Variants in CNTNAP2 observed in about 807,000 individuals in gnomAD.
CNTNAP2 encodes the protein contactin-associated protein-like 2.
CNTNAP2 carries 98 observed loss-of-function variants against 155.2 expected under a neutral mutation model. The ratio of observed to expected loss-of-function variants is 0.63; its 90% CI spans 0.54 to 0.75. The LOEUF is 0.75. Ranked by LOEUF, CNTNAP2 falls within the 30% of genes least tolerant of loss-of-function variation. The pLI is 0.00. For synonymous variants in CNTNAP2, 651 were observed against 631.2 expected, an observed-to-expected ratio of 1.03 and a Z score of -0.47; for missense variants, 1,727 against 1,688.1, an observed-to-expected ratio of 1.02 and a Z score of -0.40.
intron 1 of CNTNAP2, among the ~76,000 whole-genome samples, chr7:146,736,866 C>T (rs771861157): frequency 6.6e-6 from 1 of 151,860 alleles, no homozygotes; most frequent in African/African-American, 2.4e-5. Flanking sequence ...TCTGCCTTTT[C>T]AATAAATTAA....
chr7:146,974,806 C>A (rs963977695), intron 3 of CNTNAP2, among the ~76,000 whole-genome samples: 2 of 151,972 alleles, frequency 1.3e-5, no homozygotes, highest in Non-Finnish European at 2.9e-5. Flanking sequence ...TGAGACCAGC[C>A]TGGCCAACAT....
intron 13 of CNTNAP2, among the ~76,000 whole-genome samples, chr7:147,743,248 G>A (rs1796981351): frequency 6.6e-6 from 1 of 152,108 alleles, no homozygotes. Context: ...ACACTCCTGG[G>A]AAAACACACC....
At chr7:147,520,807 G>C (rs6956787) in intron 11 of CNTNAP2, among the ~76,000 whole-genome samples, 4,403 of 152,198 alleles carry the variant, frequency 0.029, 213 homozygotes, top group African/African-American at 0.1. Context: ...GTTATTTTCA[G>C]GGTGTTTTCT....
intron 8 of CNTNAP2, among the ~76,000 whole-genome samples, chr7:147,239,805 CTT>C (rs1364767109): frequency 6.6e-6 from 1 of 152,182 alleles, no homozygotes; most frequent in African/African-American, 2.4e-5. Context: ...TCATCATCCT[CTT>C]TTCAGTAATT....
chr7:147,789,061 T>C (rs774643259), intron 13 of CNTNAP2, among the ~76,000 whole-genome samples: 14 of 151,808 alleles, frequency 9.2e-5, no homozygotes, highest in Non-Finnish European at 1.5e-4. Context: ...TGCATCACCA[T>C]GCCTGGCTAA....
At chr7:148,167,005 T>C (rs953677227) in intron 17 of CNTNAP2, among the ~76,000 whole-genome samples, 1 of 152,226 alleles carries the variant, frequency 6.6e-6, no homozygotes, top group African/African-American at 2.4e-5. Context: ...TCTAGCTCAC[T>C]GTCCCATTTA....
chr7:146,655,413 C>CAAAAAAAAA (rs66710703), intron 1 of CNTNAP2, among the ~76,000 whole-genome samples: 2 of 74,302 alleles, frequency 2.7e-5, no homozygotes, highest in Non-Finnish European at 5.0e-5. Context: ...GACTCTGTCT[C>CAAAAAAAAA]AAAAAAAAAA....
intron 1 of CNTNAP2, among the ~76,000 whole-genome samples, chr7:146,488,904 G>A (rs1478628838): frequency 4.6e-5 from 7 of 152,154 alleles, no homozygotes; most frequent in Non-Finnish European, 7.3e-5. Context: ...ACGGGTGTGG[G>A]CCACCACGCT....
At chr7:146,685,852 GA>G (rs1347638166) in intron 1 of CNTNAP2, among the ~76,000 whole-genome samples, 1 of 152,108 alleles carries the variant, frequency 6.6e-6, no homozygotes, top group Non-Finnish European at 1.5e-5. Context: ...TGATGTATGT[GA>G]AAATGAGCTG....
chr7:148,361,359 C>T (rs1303545994), intron 21 of CNTNAP2, among the ~76,000 whole-genome samples: 2 of 152,174 alleles, frequency 1.3e-5, no homozygotes, highest in African/African-American at 4.8e-5. Context: ...GTCTTCATCT[C>T]CTAGGCTGTC....
intron 10 of CNTNAP2, among the ~76,000 whole-genome samples, chr7:147,418,991 C>T (rs10500185): frequency 2.0e-5 from 3 of 152,028 alleles, no homozygotes; most frequent in Non-Finnish European, 2.9e-5. Context: ...CATTATTAAA[C>T]GGACTCAGAA....
chr7:146,710,974 C>T (rs1235771432), intron 1 of CNTNAP2, among the ~76,000 whole-genome samples: 1 of 151,964 alleles, frequency 6.6e-6, no homozygotes, highest in Non-Finnish European at 1.5e-5. Context: ...GCCTGGTTCA[C>T]TGGGTTTGAT....
intron 20 of CNTNAP2, among the ~76,000 whole-genome samples, chr7:148,261,327 AT>A (rs1264677810): frequency 6.6e-6 from 1 of 151,952 alleles, no homozygotes; most frequent in Non-Finnish European, 1.5e-5. Flanking sequence ...TGCCCGGCTA[AT>A]TTTTGTCTTT....
intron 3 of CNTNAP2, among the ~76,000 whole-genome samples, chr7:147,020,297 CTT>C (rs1415314490): frequency 2.6e-5 from 4 of 151,976 alleles, no homozygotes; most frequent in African/African-American, 9.7e-5. Flanking sequence ...GTTCTATAGA[CTT>C]TATTGAACTA....
rs567254459 is a variant in CNTNAP2, at chr7:147,926,798, ACTT to A, written c.2255+23082_2255+23084del. Among the ~76,000 whole-genome samples, 194 of 152,340 alleles carry A rather than the reference ACTT, an allele frequency of 1.3e-3. 1 individual carries two copies. The highest frequency in any genetic ancestry group is 4.5e-3 in the African/African-American group (189 of 41,592). ...AAAAAAACAAAGAGCGTTTTTAAACACTTCTTCATGTGAATTCAGGTGATAATA... is the reference window on the plus strand; with the variant it reads ...AAAAAAACAAAGAGCGTTTTTAAACACTTCATGTGAATTCAGGTGATAATA... On this transcript the variant is annotated intron_variant, in intron 14 of 23. Coordinates refer to ENST00000361727, the MANE Select transcript of CNTNAP2 (RefSeq NM_014141.6).
chr7:146,532,036 C>A (rs1260960435), intron 1 of CNTNAP2, among the ~76,000 whole-genome samples: 1 of 151,528 alleles, frequency 6.6e-6, no homozygotes, highest in Non-Finnish European at 1.5e-5. Flanking sequence ...ATAAAAATTA[C>A]AATCTTGGCG....
intron 1 of CNTNAP2, among the ~76,000 whole-genome samples, chr7:146,123,817 C>T (rs1797597381): frequency 6.6e-6 from 1 of 152,086 alleles, no homozygotes; most frequent in Non-Finnish European, 1.5e-5. Flanking sequence ...AAAGGTGCTT[C>T]TATTTTTAAT....
At chr7:147,689,096 A>G (rs548821056) in intron 13 of CNTNAP2, among the ~76,000 whole-genome samples, 1 of 151,782 alleles carries the variant, frequency 6.6e-6, no homozygotes, top group South Asian at 2.1e-4. Flanking sequence ...ATTATTCCTG[A>G]AGTATTACAG....
intron 15 of CNTNAP2, among the ~76,000 whole-genome samples, chr7:148,031,154 T>C (rs1222145502): frequency 6.6e-6 from 1 of 152,168 alleles, no homozygotes; most frequent in Non-Finnish European, 1.5e-5. Flanking sequence ...CTCCTTACCC[T>C]TCCACAGAGA....
Sources: allele counts gnomAD v4.1 joint callset (sites outside exome capture counted in the v4.1 genomes callset), GRCh38; gene constraint gnomAD v4.1.1; transcripts MANE v1.5; gene names NCBI Gene and HGNC (gene_info 2026-07-23, HGNC 2026-07-21).